Variants in NRG1 observed in about 807,000 individuals in gnomAD.
NRG1 encodes the protein neuregulin 1.
In NRG1, 18 loss-of-function variants were observed where a neutral mutation model predicts 63.8. That is an observed-to-expected ratio of 0.28 (90% confidence interval 0.19 to 0.42). NRG1 has a LOEUF of 0.42. NRG1 is among the 10% of genes least tolerant of loss of function. NRG1 has a pLI of 1.00. For missense variants in NRG1, 762 were observed against 814.7 expected, an observed-to-expected ratio of 0.94 and a Z score of 0.79; for synonymous variants, 302 against 301.3, an observed-to-expected ratio of 1.00 and a Z score of -0.02.
At chr8:32,537,194 T>TAAAA (rs1832076797) in intron 1 of NRG1, among the ~76,000 whole-genome samples, 3 of 7,646 alleles carry the variant, frequency 3.9e-4, no homozygotes, top group South Asian at 3.8e-3. Flanking sequence ...AGACTCCATC[T>TAAAA]CAAAAAAAAA....
chr8:32,467,174 G>A (rs556220433), intron 1 of NRG1, among the ~76,000 whole-genome samples: 4 of 152,266 alleles, frequency 2.6e-5, no homozygotes, highest in African/African-American at 9.6e-5. Context: ...AGCAACATAG[G>A]AGAAAAGTAC....
intron 1 of NRG1, among the ~76,000 whole-genome samples, chr8:32,510,955 CTTT>C (rs60629097): frequency 1.2e-4 from 15 of 125,596 alleles, no homozygotes; most frequent in Admixed American, 4.3e-4. Context: ...TCTTTCTTTC[CTTT>C]TTTTTTTTTT....
intron 5 of NRG1, among the ~76,000 whole-genome samples, chr8:32,693,309 T>C (rs1234915363): frequency 6.6e-6 from 1 of 151,470 alleles, no homozygotes; most frequent in Non-Finnish European, 1.5e-5. Flanking sequence ...ACCTCCGCCT[T>C]CTGGGTTCAC....
At chr8:31,645,964 G>A (rs1415979570) in intron 1 of NRG1, among the ~76,000 whole-genome samples, 1 of 152,116 alleles carries the variant, frequency 6.6e-6, no homozygotes, top group African/African-American at 2.4e-5. Context: ...GCCCAGGAGT[G>A]GATTGTAGTG....
intron 1 of NRG1, among the ~76,000 whole-genome samples, chr8:31,890,098 A>G (rs1175439893): frequency 6.6e-6 from 1 of 152,152 alleles, no homozygotes; most frequent in Non-Finnish European, 1.5e-5. Context: ...TCTCTATCCA[A>G]TTGATGTCAG....
At chr8:31,877,610 G>A (rs898778746) in intron 1 of NRG1, among the ~76,000 whole-genome samples, 1 of 151,906 alleles carries the variant, frequency 6.6e-6, no homozygotes, top group South Asian at 2.1e-4. Flanking sequence ...TACTCTAGAG[G>A]CATATACTTG....
intron 1 of NRG1, among the ~76,000 whole-genome samples, chr8:31,809,490 G>A: frequency 6.7e-6 from 1 of 149,902 alleles, no homozygotes; most frequent in African/African-American, 2.4e-5. Context: ...ATGCTCTCCA[G>A]GCCATCATGT....
chr8:32,119,835 C>T (rs1207011024), intron 1 of NRG1, among the ~76,000 whole-genome samples: 1 of 152,002 alleles, frequency 6.6e-6, no homozygotes, highest in African/African-American at 2.4e-5. Context: ...AAAAATGTGA[C>T]CACAAAAATA....
chr8:32,369,310 G>A (rs1307762516), intron 1 of NRG1, among the ~76,000 whole-genome samples: 1 of 152,244 alleles, frequency 6.6e-6, no homozygotes, highest in Non-Finnish European at 1.5e-5. Context: ...TCAGGACCCA[G>A]ATGGGAAAGA....
At chr8:32,607,651 C>G (rs1214322279) in intron 3 of NRG1, among the ~76,000 whole-genome samples, 1 of 152,078 alleles carries the variant, frequency 6.6e-6, no homozygotes, top group Non-Finnish European at 1.5e-5. Flanking sequence ...GGAAAAACAG[C>G]TAATTCATTT....
At chr8:31,669,993 C>T (rs1426974265) in intron 1 of NRG1, among the ~76,000 whole-genome samples, 1 of 152,108 alleles carries the variant, frequency 6.6e-6, no homozygotes, top group East Asian at 1.9e-4. Flanking sequence ...CCCATAAACC[C>T]ATATAGAGAT....
chr8:32,751,877 C>A (rs1828809744), intron 7 of NRG1, among the ~76,000 whole-genome samples: 1 of 152,196 alleles, frequency 6.6e-6, no homozygotes, highest in South Asian at 2.1e-4. Flanking sequence ...TAATTAACAA[C>A]AACCAAAAGA....
chr8:32,427,496 C>T (rs1209539912), intron 1 of NRG1, among the ~76,000 whole-genome samples: 2 of 152,146 alleles, frequency 1.3e-5, no homozygotes, highest in Non-Finnish European at 2.9e-5. Flanking sequence ...AGAGGAGCTG[C>T]GACTGGGGCA....
At chr8:32,338,057 G>T (rs189468712) in intron 1 of NRG1, among the ~76,000 whole-genome samples, 1 of 152,212 alleles carries the variant, frequency 6.6e-6, no homozygotes, top group East Asian at 1.9e-4. Context: ...CTTACTCTTG[G>T]CCTTAAGGCA....
At chr8:31,947,161 G>A (rs1452790582) in intron 1 of NRG1, among the ~76,000 whole-genome samples, 7 of 151,538 alleles carry the variant, frequency 4.6e-5, no homozygotes, top group African/African-American at 7.3e-5. Context: ...TTAGCCGGGC[G>A]CGGTGGCGGG....
At chr8:32,304,317 T>C (rs977389723) in intron 1 of NRG1, among the ~76,000 whole-genome samples, 26 of 152,228 alleles carry the variant, frequency 1.7e-4, no homozygotes, top group African/African-American at 5.8e-4. Flanking sequence ...TAGGAAGGCA[T>C]GGATATGTAT....
At chr8:31,774,920 C>A (rs1055656497) in intron 1 of NRG1, among the ~76,000 whole-genome samples, 4 of 152,042 alleles carry the variant, frequency 2.6e-5, no homozygotes, top group African/African-American at 9.7e-5. Context: ...ATTAAAAAGT[C>A]ACACACACAA....
chr8:32,178,046 G>T (rs1356027194), intron 1 of NRG1, among the ~76,000 whole-genome samples: 1 of 152,004 alleles, frequency 6.6e-6, no homozygotes, highest in Non-Finnish European at 1.5e-5. Context: ...AAGAGGGCAA[G>T]GCAAGGGGAG....
chr8:32,305,947 A>C (rs566063890), intron 1 of NRG1, among the ~76,000 whole-genome samples: 3 of 152,306 alleles, frequency 2.0e-5, no homozygotes, highest in East Asian at 3.9e-4. Context: ...AAATTATTTT[A>C]CTTCTCTGAG....
Sources: gnomAD v4.1 joint callset for allele counts (sites outside exome capture counted in the v4.1 genomes callset) on GRCh38, gnomAD v4.1.1 for gene constraint, MANE v1.5 for transcripts, NCBI Gene and HGNC (gene_info 2026-07-23, HGNC 2026-07-21) for gene names.